The following ATXN8OS variants were observed in gnomAD, a reference collection of about 807,000 sequenced individuals.
ATXN8OS encodes the protein ATXN8 opposite strand lncRNA.
chr13:70,154,783 A>G (rs1888915896), intron 4 of ATXN8OS, among the ~76,000 whole-genome samples: 1 of 152,220 alleles, frequency 6.6e-6, no homozygotes, highest in Non-Finnish European at 1.5e-5. Context: ...GACTTCAAGT[A>G]TTCTGTTTTA....
At chr13:70,138,823 T>C (rs1888655258) in intron 3 of ATXN8OS, among the ~76,000 whole-genome samples, 4 of 152,106 alleles carry the variant, frequency 2.6e-5, no homozygotes, top group Non-Finnish European at 4.4e-5. Context: ...TAATGAAGTC[T>C]AGTACACGAT....
chr13:70,112,920 A>ATATATTTTTTTTT (rs1555298511), intron 1 of ATXN8OS, among the ~76,000 whole-genome samples: 32 of 87,550 alleles, frequency 3.7e-4, no homozygotes, highest in Non-Finnish European at 5.2e-4. Flanking sequence ...TATATATATA[A>ATATATTTTTTTTT]TTTTTTTTTT....
intron 4 of ATXN8OS, among the ~76,000 whole-genome samples, chr13:70,162,560 G>C (rs1889022387): frequency 6.6e-6 from 1 of 152,112 alleles, no homozygotes; most frequent in South Asian, 2.1e-4. Flanking sequence ...GGAAGAGAGA[G>C]AGTAGATCTG....
At position 70,167,739 on chromosome 13, in the gene ATXN8OS, T is replaced by TC. The variant is rs1555302458; in HGVS notation, n.574-2014_574-2013insC. On this transcript the variant is annotated intron_variant and non_coding_transcript_variant, in intron 4 of 4. Transcript: ENST00000678624. The stretch of plus-strand genomic sequence containing the variant: ...ATGTAACTTCTTTTTTTTTTTTTTT[T>TC]TTTTTTTTTTGAGACAGACAGAGTC... Among the ~76,000 whole-genome samples, 477 of 111,318 alleles carry TC rather than the reference T, an allele frequency of 4.3e-3. 14 individuals are homozygous for TC. The highest frequency in any genetic ancestry group is 0.014 in the African/African-American group (449 of 31,012). 73.0% of individuals were successfully genotyped at this position (111,318 alleles called of 152,430 possible).
chr13:70,161,870 A>G (rs1253111180), intron 4 of ATXN8OS, among the ~76,000 whole-genome samples: 1 of 152,088 alleles, frequency 6.6e-6, no homozygotes, highest in Non-Finnish European at 1.5e-5. Flanking sequence ...ATCAATTTTT[A>G]CAAATGTACC....
At chr13:70,157,258 T>C (rs925826431) in intron 4 of ATXN8OS, among the ~76,000 whole-genome samples, 1 of 152,140 alleles carries the variant, frequency 6.6e-6, no homozygotes, top group African/African-American at 2.4e-5. Flanking sequence ...ATTATTAAAA[T>C]AGAATGTTGT....
intron 2 of ATXN8OS, among the ~76,000 whole-genome samples, chr13:70,124,771 T>C (rs537056068): frequency 2.6e-5 from 4 of 152,228 alleles, no homozygotes; most frequent in Admixed American, 6.5e-5. Flanking sequence ...TTACTGAAGA[T>C]ATATCGTTGT....
At chr13:70,128,388 T>C (rs1486560746) in intron 2 of ATXN8OS, among the ~76,000 whole-genome samples, 4 of 152,158 alleles carry the variant, frequency 2.6e-5, no homozygotes, top group Non-Finnish European at 4.4e-5. Flanking sequence ...TTTTACAATG[T>C]AATTCATTTT....
At chr13:70,140,407 C>A (rs920549120) in intron 3 of ATXN8OS, among the ~76,000 whole-genome samples, 24 of 151,818 alleles carry the variant, frequency 1.6e-4, no homozygotes, top group African/African-American at 4.6e-4. Context: ...TAAATACTTT[C>A]ATTCTGTATA....
chr13:70,125,510 C>T (rs1229174311), intron 2 of ATXN8OS, among the ~76,000 whole-genome samples: 1 of 152,070 alleles, frequency 6.6e-6, no homozygotes, highest in Non-Finnish European at 1.5e-5. Context: ...TCTGATATTT[C>T]TCCAGGTTTG....
chr13:70,171,296 A>G (rs1365595192), exon 5 of ATXN8OS, among the ~76,000 whole-genome samples: 2 of 152,162 alleles, frequency 1.3e-5, no homozygotes, highest in Non-Finnish European at 2.9e-5. Flanking sequence ...CAGTTAGGTT[A>G]CAGTTCATTA....
chr13:70,139,204 T>A (rs1045147201), intron 3 of ATXN8OS: 1 of 436,780 alleles, frequency 2.3e-6, no homozygotes, highest in African/African-American at 2.0e-5. Context: ...CTGTGTCTGA[T>A]ATTCTCTACT....
chr13:70,170,358 A>C (rs952171441), exon 5 of ATXN8OS, among the ~76,000 whole-genome samples: 4 of 152,234 alleles, frequency 2.6e-5, no homozygotes, highest in East Asian at 1.9e-4. Flanking sequence ...AAATAACTTC[A>C]ACATATGTCT....
chr13:70,162,457 T>A (rs983960330), intron 4 of ATXN8OS, among the ~76,000 whole-genome samples: 7 of 152,064 alleles, frequency 4.6e-5, no homozygotes, highest in African/African-American at 1.7e-4. Context: ...TTTTCTTCAA[T>A]ATTCTTCTGA....
At chr13:70,141,101 T>C (rs1342705549) in intron 3 of ATXN8OS, among the ~76,000 whole-genome samples, 1 of 152,188 alleles carries the variant, frequency 6.6e-6, no homozygotes, top group East Asian at 1.9e-4. Context: ...AGGCACTGTA[T>C]TTTCTTGCTG....
intron 3 of ATXN8OS, chr13:70,129,990 T>C (rs1888507517): frequency 2.8e-6 from 1 of 356,190 alleles, no homozygotes; most frequent in Non-Finnish European, 5.1e-6. Flanking sequence ...TGTTAGTCAA[T>C]TCCAGCCTAG....
intron 3 of ATXN8OS, chr13:70,130,843 T>A (rs1888521818): frequency 2.5e-6 from 1 of 398,414 alleles, no homozygotes. Context: ...GAACAACTTG[T>A]TGAAGGTATA....
intron 4 of ATXN8OS, among the ~76,000 whole-genome samples, chr13:70,158,396 C>T (rs886364894): frequency 2.6e-5 from 4 of 152,028 alleles, no homozygotes; most frequent in Admixed American, 2.0e-4. Context: ...CCAGCCTGGG[C>T]GACAGGCAAG....
chr13:70,133,969 T>A (rs982285059), intron 3 of ATXN8OS, among the ~76,000 whole-genome samples: 4 of 152,338 alleles, frequency 2.6e-5, no homozygotes, highest in Non-Finnish European at 5.9e-5. Context: ...AATCACATTT[T>A]ATTCATTGGC....
Sources: allele counts gnomAD v4.1 joint callset (sites outside exome capture counted in the v4.1 genomes callset), GRCh38; gene constraint gnomAD v4.1.1; transcripts MANE v1.5; gene names NCBI Gene and HGNC (gene_info 2026-07-23, HGNC 2026-07-21).